The following RPAP2 variants were observed in gnomAD, a reference collection of about 807,000 sequenced individuals.
RPAP2 encodes the protein putative RNA polymerase II subunit B1 CTD phosphatase RPAP2.
In RPAP2, 52 loss-of-function variants were observed where a neutral mutation model predicts 73.1. That is an observed-to-expected ratio of 0.71 (90% CI 0.57 to 0.90). The LOEUF (loss-of-function observed/expected upper bound fraction) is 0.90. RPAP2 is among the 40% of genes least tolerant of loss of function. The probability of loss-of-function intolerance (pLI) is 0.00; values close to 1 mark genes in which losing one functional copy is unlikely to be tolerated. For synonymous variants in RPAP2, 225 were observed against 242.1 expected (o/e 0.93, Z 0.65); for missense variants, 598 against 701.8 (o/e 0.85, Z 1.67).
At chr1:92,368,099 A>G (rs533220997) in intron 11 of RPAP2, among the ~76,000 whole-genome samples, 1 of 152,272 alleles carries the variant, frequency 6.6e-6, no homozygotes, top group South Asian at 2.1e-4. Flanking sequence ...GAGCAAGACA[A>G]TAGGGACCAG....
chr1:92,367,344 G>A (rs1284896916), intron 11 of RPAP2, among the ~76,000 whole-genome samples: 3 of 152,126 alleles, frequency 2.0e-5, no homozygotes, highest in African/African-American at 7.2e-5. Context: ...ATCCCAGACG[G>A]CTTTTGCGTT....
At chr1:92,343,386 A>G (rs1197748107) in intron 10 of RPAP2, among the ~76,000 whole-genome samples, 1 of 152,154 alleles carries the variant, frequency 6.6e-6, no homozygotes, top group African/African-American at 2.4e-5. Context: ...CCATCAAACA[A>G]CGTGTCCAAA....
rs1031592152 is a variant in RPAP2 at position 92,393,401 on chromosome 1, C to T, written c.*6390C>T. On this transcript the variant is annotated 3_prime_UTR_variant, in exon 13 of 13. Coordinates refer to ENST00000610020, the MANE Select transcript of RPAP2 (RefSeq NM_024813.3). Reference sequence around the variant, plus strand: ...TCCTAGAAGAAAACCTGGGCAATACCATTCAGGACATAGGCATGGGCAAAG... The same window carrying T: ...TCCTAGAAGAAAACCTGGGCAATACTATTCAGGACATAGGCATGGGCAAAG... The T allele has an allele frequency of 1.3e-5, 2 of 152,136 alleles. No individual in the cohort carries two copies. The highest frequency in any genetic ancestry group is 2.4e-5 in the African/African-American group (1 of 41,408). 9.4% of individuals were successfully genotyped at this position (152,136 alleles called of 1,614,324 possible).
At chr1:92,311,914 T>A (rs1651616253) in intron 6 of RPAP2, among the ~76,000 whole-genome samples, 1 of 152,246 alleles carries the variant, frequency 6.6e-6, no homozygotes, top group Non-Finnish European at 1.5e-5. Flanking sequence ...ATTAATCTTT[T>A]TGCTGGTGAA....
chr1:92,378,883 G>A lies in RPAP2; in HGVS notation c.1689-1841G>A, dbSNP rs571937635. 7.2e-5 allele frequency among the ~76,000 whole-genome samples: 11 copies of A among 152,302 alleles called. No homozygotes were observed. In the East Asian group the frequency reaches 2.1e-3, roughly 29 times the overall value. On this transcript the variant is annotated intron_variant, in intron 11 of 12. Transcript: ENST00000610020. ...AAAGCTCATGAAGTCTGAGAACTTA[G>A]TACTCCATCTCCTAGCTGCAAAGAA...
At chr1:92,367,536 A>C (rs1209116373) in intron 11 of RPAP2, among the ~76,000 whole-genome samples, 3 of 152,284 alleles carry the variant, frequency 2.0e-5, no homozygotes, top group Admixed American at 6.5e-5. Flanking sequence ...TGAGTGTTTA[A>C]AAAAATTTTC....
rs999192785 is a variant in RPAP2 at position 92,396,071 on chromosome 1, A to G, written c.*9060A>G. Reference sequence around the variant, plus strand: ...TTAAAAAGATAAACATAAGTTTACCATATGATCCTGCTATTCCATGAGAAG... The same window carrying G: ...TTAAAAAGATAAACATAAGTTTACCGTATGATCCTGCTATTCCATGAGAAG... On this transcript the variant is annotated 3_prime_UTR_variant, in exon 13 of 13. Transcript: ENST00000610020. 3 of 152,256 alleles carry G rather than the reference A, an allele frequency of 2.0e-5. No individual in the cohort carries two copies. Among genetic ancestry groups the G allele is most frequent in the African/African-American group, 7.2e-5 (3 of 41,470 alleles). The allele number at this position is 152,256 out of a possible 1,614,324, so 9.4% of individuals were successfully genotyped here.
intron 11 of RPAP2, among the ~76,000 whole-genome samples, chr1:92,355,838 C>T (rs969851886): frequency 1.3e-5 from 2 of 152,070 alleles, no homozygotes; most frequent in Non-Finnish European, 2.9e-5. Context: ...TGCAAGTATT[C>T]CAAAATTCTA....
chr1:92,385,771 T>C (rs1655840403), intron 12 of RPAP2, among the ~76,000 whole-genome samples: 1 of 152,252 alleles, frequency 6.6e-6, no homozygotes, highest in Non-Finnish European at 1.5e-5. Context: ...AAAAGATGTT[T>C]GTGGTTTAAA....
Position 92,368,360 on chromosome 1 carries a change from CAG to C in RPAP2, c.1689-12361_1689-12360del, listed in dbSNP as rs929538409. Among the ~76,000 whole-genome samples the C allele has an allele frequency of 6.6e-4, 100 of 152,206 alleles. 1 individual carries two copies. Among genetic ancestry groups the C allele is most frequent in the African/African-American group, 2.2e-3 (93 of 41,526 alleles). ...TGCCACTGCACTCTAGCCTGGGCGACAGAGCAAGACTCTGTCTCAAAAAAAGA... is the reference window on the plus strand; with the variant it reads ...TGCCACTGCACTCTAGCCTGGGCGACAGCAAGACTCTGTCTCAAAAAAAGA... On this transcript the variant is annotated intron_variant, in intron 11 of 12. Coordinates refer to ENST00000610020, the MANE Select transcript of RPAP2 (RefSeq NM_024813.3).
chr1:92,358,805 C>G (rs566636636), intron 11 of RPAP2, among the ~76,000 whole-genome samples: 2 of 152,276 alleles, frequency 1.3e-5, no homozygotes, highest in South Asian at 2.1e-4. Flanking sequence ...CCAGGCTGGT[C>G]TTGAACTCCT....
intron 8 of RPAP2, among the ~76,000 whole-genome samples, chr1:92,325,804 A>T (rs985434118): frequency 6.6e-6 from 1 of 151,940 alleles, no homozygotes; most frequent in Non-Finnish European, 1.5e-5. Context: ...TTTCCAGTAT[A>T]TATTCTTGGT....
chr1:92,307,079 A>T (rs963993091), intron 5 of RPAP2, 109 bp from the exon 6 acceptor site: 3 of 725,928 alleles, frequency 4.1e-6, no homozygotes, highest in Non-Finnish European at 4.4e-6. Flanking sequence ...GTAGATCTGT[A>T]GGTTTCCATT....
chr1:92,305,450 A>AAAAAAAAAAAAAAAAAC (rs1202528088), intron 5 of RPAP2, among the ~76,000 whole-genome samples: 2 of 141,852 alleles, frequency 1.4e-5, no homozygotes, highest in African/African-American at 5.9e-5. Context: ...AAAAAAAAAA[A>AAAAAAAAAAAAAAAAAC]AGACAATATG....
chr1:92,383,082 T>A (rs973539468), intron 12 of RPAP2, among the ~76,000 whole-genome samples: 1 of 152,220 alleles, frequency 6.6e-6, no homozygotes. Context: ...TAGTTGCAGA[T>A]ATGCGGCATT....
intron 6 of RPAP2, among the ~76,000 whole-genome samples, chr1:92,309,264 A>C (rs1651432564): frequency 6.6e-6 from 1 of 152,126 alleles, no homozygotes; most frequent in Non-Finnish European, 1.5e-5. Flanking sequence ...CAACATGGTG[A>C]AACCCTGTCT....
At chr1:92,323,419 T>C (rs1652428047) in intron 7 of RPAP2, 26 bp from the exon 8 acceptor site, 1 of 1,458,458 alleles carries the variant, frequency 6.9e-7, no homozygotes, top group Admixed American at 2.2e-5. Flanking sequence ...TTTATTTAGT[T>C]ATTTTATTTC....
At chr1:92,371,327 T>C (rs1407039163) in intron 11 of RPAP2, among the ~76,000 whole-genome samples, 1 of 96,804 alleles carries the variant, frequency 1.0e-5, no homozygotes, top group Non-Finnish European at 1.9e-5. Context: ...AAAATATATA[T>C]ATATATATAT....
chr1:92,386,171 C>T (rs1225156871), intron 12 of RPAP2, among the ~76,000 whole-genome samples: 1 of 152,160 alleles, frequency 6.6e-6, no homozygotes, highest in Non-Finnish European at 1.5e-5. Context: ...AAGTGACATC[C>T]CATCACTTTT....
Sources: gnomAD v4.1 joint callset for allele counts (sites outside exome capture counted in the v4.1 genomes callset) on GRCh38, gnomAD v4.1.1 for gene constraint, MANE v1.5 for transcripts, NCBI Gene and HGNC (gene_info 2026-07-23, HGNC 2026-07-21) for gene names.